Variants in FAM184B observed in about 807,000 individuals in gnomAD.
The protein encoded by FAM184B is protein FAM184B.
FAM184B carries 111 observed loss-of-function variants against 135.9 expected under a neutral mutation model. The ratio of observed to expected loss-of-function variants is 0.82; its 90% CI spans 0.70 to 0.96. The LOEUF (loss-of-function observed/expected upper bound fraction) is 0.96. Ranked by LOEUF, FAM184B falls within the 40% of genes least tolerant of loss-of-function variation. The probability of loss-of-function intolerance (pLI) is 0.00; values close to 1 mark genes in which losing one functional copy is unlikely to be tolerated. For missense variants in FAM184B, 1,375 were observed against 1,323.9 expected (o/e 1.04, Z -0.60); for synonymous variants, 552 against 524.8 (o/e 1.05, Z -0.71).
At chr4:17,642,308 C>T in intron 12 of FAM184B, 80 bp from the exon 13 acceptor site, 2 of 1,385,230 alleles carry the variant, frequency 1.4e-6, no homozygotes, top group South Asian at 1.6e-5. Context: ...TGTGCTGCGG[C>T]GAGATGGAGA....
chr4:17,776,825 G>A (rs2109000034), intron 1 of FAM184B, among the ~76,000 whole-genome samples: 1 of 152,292 alleles, frequency 6.6e-6, no homozygotes, highest in East Asian at 1.9e-4. Flanking sequence ...CAAGAGGAAA[G>A]CTAGGTGAGT....
chr4:17,636,943 AG>A (rs1715160156), intron 14 of FAM184B, among the ~76,000 whole-genome samples: 1 of 152,208 alleles, frequency 6.6e-6, no homozygotes, highest in African/African-American at 2.4e-5. Flanking sequence ...AGACCAGGGC[AG>A]GAAAATGTCC....
At chr4:17,669,434 G>A (rs1716122353) in intron 7 of FAM184B, among the ~76,000 whole-genome samples, 1 of 152,180 alleles carries the variant, frequency 6.6e-6, no homozygotes, top group Non-Finnish European at 1.5e-5. Context: ...ATAATCAGAT[G>A]AGCATATGTA....
At chr4:17,633,928 A>G (rs1705550097) in intron 16 of FAM184B, 40 bp from the exon 17 acceptor site, 1 of 1,310,162 alleles carries the variant, frequency 7.6e-7, no homozygotes, top group Non-Finnish European at 9.9e-7. Flanking sequence ...ATGCAATGCA[A>G]AAAACAAAAT....
At chr4:17,704,841 G>T (rs1372571695) in intron 5 of FAM184B, among the ~76,000 whole-genome samples, 159 bp downstream of exon 5, 1 of 152,152 alleles carries the variant, frequency 6.6e-6, no homozygotes, top group Non-Finnish European at 1.5e-5. Flanking sequence ...TATCATAACT[G>T]TATGTTTCAT....
intron 1 of FAM184B, among the ~76,000 whole-genome samples, chr4:17,753,129 C>T (rs1718338974): frequency 6.6e-6 from 1 of 152,224 alleles, no homozygotes; most frequent in African/African-American, 2.4e-5. Context: ...CCATCTGCTC[C>T]ATTGGGGTTC....
intron 7 of FAM184B, among the ~76,000 whole-genome samples, chr4:17,667,646 C>T (rs945944358): frequency 1.3e-5 from 2 of 152,214 alleles, no homozygotes; most frequent in African/African-American, 2.4e-5. Flanking sequence ...TATCTTCCCC[C>T]TGGGGTGGAT....
At position 17,635,080 on chromosome 4, in the gene FAM184B, T is replaced by C. The variant is rs763203774; in HGVS notation, c.2818A>G (p.Ser940Gly). 1.9e-6 allele frequency: 3 copies of C among 1,551,716 alleles called. No homozygotes were observed. In the South Asian group the frequency reaches 3.6e-5, roughly 18 times the overall value. Residue 940 changes from serine to glycine, a missense_variant, in exon 16 of 18, where the codon AGT becomes GGT. By Grantham distance (56) the Ser-to-Gly change is moderately conservative. Transcript: ENST00000265018. ...ERRFHYAAFP[S>G]AMSHRNRSFS... Reference sequence around the variant, plus strand: ...GACCGATTCCGGTGGGACATGGCACTGGGGAATGCTGCGTAGTGAAATCTT... The same window carrying C: ...GACCGATTCCGGTGGGACATGGCACCGGGGAATGCTGCGTAGTGAAATCTT...
chr4:17,697,568 G>A (rs549435341), intron 5 of FAM184B, among the ~76,000 whole-genome samples: 7 of 152,246 alleles, frequency 4.6e-5, no homozygotes, highest in Admixed American at 2.0e-4. Context: ...GCAATCATCA[G>A]CAGCAAGGCC....
chr4:17,633,829 A>G lies in FAM184B; in HGVS notation c.2949T>C (p.Tyr983=), dbSNP rs1433324679. The G allele has an allele frequency of 1.3e-6, 2 of 1,551,538 alleles. No individual in the cohort carries two copies. Among genetic ancestry groups the G allele is most frequent in the South Asian group, 2.4e-5 (2 of 84,040 alleles). Residue 983 remains tyrosine, a synonymous_variant, in exon 17 of 18, where the codon TAT becomes TAC. Coordinates refer to ENST00000265018, the MANE Select transcript of FAM184B (RefSeq NM_015688.2). ...GATCGCCACTCAGAAAGTTCTTTGC[A>G]TAGGAGGCGAGGTTCGGCACGCTGA... ...RVVSVPNLAS[Y]AKNFLSGDLS... is the part of the protein sequence containing the mutation.
rs1355873770 is a variant in FAM184B, at chr4:17,708,708, T to G, written c.894+184A>C. Among the ~76,000 whole-genome samples, 25 of 45,748 alleles carry G rather than the reference T, an allele frequency of 5.5e-4. 3 individuals carry two copies. Among genetic ancestry groups the G allele is most frequent in the African/African-American group, 1.9e-3 (20 of 10,786 alleles). The allele number at this position is 45,748 out of a possible 152,430, so 30.0% of individuals were successfully genotyped here. A position where few individuals can be genotyped will look rare whatever the true frequency, so the allele number is the denominator to read the frequency against. On this transcript the variant is annotated intron_variant, in intron 2 of 17. Transcript: ENST00000265018. ...ATATATATATATATATATATATATA[T>G]AGTGTCTGTGTGTGTGTGTGTGTGT...
At chr4:17,707,579 G>A in intron 3 of FAM184B, 70 bp downstream of exon 3, 3 of 1,531,684 alleles carry the variant, frequency 2.0e-6, no homozygotes, top group Non-Finnish European at 2.6e-6. Flanking sequence ...GGCTTAGGCT[G>A]CCAGTAGCAC....
At chr4:17,693,142 G>C (rs1716773769) in intron 6 of FAM184B, among the ~76,000 whole-genome samples, 160 bp downstream of exon 6, 1 of 151,472 alleles carries the variant, frequency 6.6e-6, no homozygotes, top group Non-Finnish European at 1.5e-5. Flanking sequence ...CTCTAATCTG[G>C]CTCTCTGTTA....
In FAM184B at chr4:17,686,159, G is replaced by A. The variant is rs142605123; in HGVS notation, c.1596+2265C>T. ...AAACCCCACAGGGCGCTGGTGAAAG[G>A]TGCAGCTGTCTCTGGGGCCAAAAGT... On this transcript the variant is annotated intron_variant, in intron 7 of 17. Coordinates refer to ENST00000265018, the MANE Select transcript of FAM184B (RefSeq NM_015688.2). Among the ~76,000 whole-genome samples, 39 of 152,330 alleles carry A rather than the reference G, an allele frequency of 2.6e-4. No individual in the cohort carries two copies. The East Asian group carries it at 7.1e-3, about 28-fold the overall frequency.
chr4:17,725,224 T>C (rs1201074896), intron 1 of FAM184B, among the ~76,000 whole-genome samples: 1 of 152,070 alleles, frequency 6.6e-6, no homozygotes, highest in Non-Finnish European at 1.5e-5. Context: ...AGCAGAACCA[T>C]GGTCCAGGAT....
chr4:17,646,072 G>A (rs891745280), intron 12 of FAM184B, among the ~76,000 whole-genome samples: 1 of 152,140 alleles, frequency 6.6e-6, no homozygotes, highest in African/African-American at 2.4e-5. Context: ...TAAAAAGTCA[G>A]GAAACAACAG....
At chr4:17,688,665 C>T in intron 6 of FAM184B, 134 bp from the exon 7 acceptor site, 1 of 369,166 alleles carries the variant, frequency 2.7e-6, no homozygotes, top group Non-Finnish European at 5.0e-6. Flanking sequence ...ATTCTACACA[C>T]ACTTCTAGAA....
At chr4:17,753,846 G>C (rs1205394520) in intron 1 of FAM184B, among the ~76,000 whole-genome samples, 2 of 152,186 alleles carry the variant, frequency 1.3e-5, no homozygotes, top group Non-Finnish European at 2.9e-5. Context: ...CACAGGGAAA[G>C]GGTATGCGAG....
rs1411127568 is a variant in FAM184B, at chr4:17,639,239, G to T, written c.2666+11C>A. ...TGCAAGACCCTCCCTGGGGCCCGAG[G>T]CCTCACTTACTCGGCTTCCAGGGCA... On this transcript the variant is annotated intron_variant, in intron 14 of 17. Transcript: ENST00000265018. The T allele has an allele frequency of 6.4e-7, 1 of 1,551,224 alleles. No homozygotes were observed. Among genetic ancestry groups the T allele is most frequent in the African/African-American group, 1.4e-5 (1 of 73,172 alleles).
Sources: allele counts gnomAD v4.1 joint callset (sites outside exome capture counted in the v4.1 genomes callset), GRCh38; gene constraint gnomAD v4.1.1; transcripts MANE v1.5; gene names NCBI Gene and HGNC (gene_info 2026-07-23, HGNC 2026-07-21).